Variants in SCYL1 observed in about 807,000 individuals in gnomAD.
SCYL1 encodes the protein N-terminal kinase-like protein.
A neutral mutation model predicts 94.8 loss-of-function variants in SCYL1; 85 were observed. The ratio of observed to expected loss-of-function variants is 0.90; its 90% CI spans 0.75 to 1.07. SCYL1 has a LOEUF of 1.07. SCYL1 is among the 50% of genes least tolerant of loss of function. The pLI, the probability that SCYL1 is intolerant of heterozygous loss-of-function variation, is 0.00. For missense variants in SCYL1, 968 were observed against 1,083.3 expected (o/e 0.89, Z 1.49); for synonymous variants, 459 against 435.5 (o/e 1.05, Z -0.67).
chr11:65,537,919 C>G, intron 15 of SCYL1, 39 bp downstream of exon 15: 1 of 1,582,654 alleles, frequency 6.3e-7, no homozygotes, highest in Non-Finnish European at 8.6e-7. Flanking sequence ...GTATGGGGCT[C>G]TTTCCTCCTT....
Position 65,538,497 on chromosome 11 carries a change from G to A in SCYL1, c.2358G>A (p.Met786Ile), listed in dbSNP as rs200704028. The A allele has an allele frequency of 8.5e-5, 137 of 1,603,548 alleles. No homozygotes were observed. Among genetic ancestry groups the A allele is most frequent in the Non-Finnish European group, 1.1e-4 (125 of 1,176,442 alleles). ...RKKREERRREMEAKRAERKVA... is the reference protein window; with the variant it reads ...RKKREERRREIEAKRAERKVA... ...AGCGCGAGGAGCGGCGGCGGGAGATGGAGGCCAAACGCGCCGAGAGGAAGG... is the reference window on the plus strand; with the variant it reads ...AGCGCGAGGAGCGGCGGCGGGAGATAGAGGCCAAACGCGCCGAGAGGAAGG... Residue 786 changes from methionine (M) to isoleucine (I), a missense_variant, in exon 18 of 18, where the codon ATG (methionine) becomes ATA (isoleucine). Physicochemically the swap from Met to Ile is conservative, Grantham distance 10 (BLOSUM62 1). Coordinates refer to ENST00000270176, the MANE Select transcript of SCYL1 (RefSeq NM_020680.4).
intron 9 of SCYL1, among the ~76,000 whole-genome samples, chr11:65,534,785 G>C (rs1251095663): frequency 2.0e-5 from 3 of 152,190 alleles, no homozygotes; most frequent in African/African-American, 4.8e-5. Context: ...GAACCAGGAG[G>C]GGGTGGTGTC....
Position 65,525,206 on chromosome 11 carries a change from C to A in SCYL1, c.53C>A (p.Pro18Gln). 6.9e-7 allele frequency: 1 copy of A among 1,459,446 alleles called. No homozygotes were observed. Among genetic ancestry groups the A allele is most frequent in the Non-Finnish European group, 9.1e-7 (1 of 1,102,166 alleles). The allele number at this position is 1,459,446 out of a possible 1,614,324, so 90.4% of individuals were successfully genotyped here. A position where few individuals can be genotyped will look rare whatever the true frequency, so the allele number is the denominator to read the frequency against. The change falls in exon 1 of 18, where the codon CCG (proline) becomes CAG (glutamine). Residue 18 changes from proline (P) to glutamine (Q), a missense_variant. Pro to Gln is a moderately conservative substitution (Grantham distance 76). Coordinates refer to ENST00000270176, the MANE Select transcript of SCYL1 (RefSeq NM_020680.4). The part of the protein sequence containing the change: ...PVRDFPFELI[P>Q]EPPEGGLPGP... ...CGGGACTTTCCGTTCGAGCTCATCC[C>A]GGAGCCCCCAGAGGGCGGCCTGCCC... is the stretch of plus-strand genomic sequence containing the variant.
intron 10 of SCYL1, 39 bp downstream of exon 10, chr11:65,535,421 C>T (rs776205179): frequency 2.6e-5 from 42 of 1,604,816 alleles, no homozygotes; most frequent in Admixed American, 5.0e-5. Flanking sequence ...CGGTCCCTGT[C>T]GCAGGACCAC....
chr11:65,535,552 A>G, intron 10 of SCYL1, 170 bp downstream of exon 10: 1 of 562,796 alleles, frequency 1.8e-6, no homozygotes, highest in African/African-American at 2.3e-5. Flanking sequence ...GGCCGAAGTC[A>G]CACAGTCAGG....
At position 65,538,527 on chromosome 11, in the gene SCYL1, C is replaced by T. The variant is rs370774721; in HGVS notation, c.2388C>T (p.Ala796=). 4.3e-6 allele frequency: 7 copies of T among 1,611,052 alleles called. No homozygotes were observed. Among genetic ancestry groups the T allele is most frequent in the African/African-American group, 1.3e-5 (1 of 75,030 alleles). ...MEAKRAERKV[A]KGPMKLGARK... ...CCAAACGCGCCGAGAGGAAGGTGGCCAAGGGCCCCATGAAGCTGGGAGCCC... is the reference window on the plus strand; with the variant it reads ...CCAAACGCGCCGAGAGGAAGGTGGCTAAGGGCCCCATGAAGCTGGGAGCCC... Residue 796 remains alanine, a synonymous_variant, in exon 18 of 18, where the codon GCC becomes GCT. Transcript: ENST00000270176.
Position 65,536,992 on chromosome 11 carries a change from C to T in SCYL1, c.1823C>T (p.Pro608Leu). 1 of 1,611,858 alleles carries T rather than the reference C, an allele frequency of 6.2e-7. No homozygotes were observed. Among genetic ancestry groups the T allele is most frequent in the Non-Finnish European group, 8.5e-7 (1 of 1,178,390 alleles). Residue 608 changes from proline to leucine, a missense_variant, in exon 14 of 18, where the codon CCT becomes CTT. Physicochemically the swap from Pro to Leu is moderately conservative, Grantham distance 98. Transcript: ENST00000270176. ...GTGAGCCTCTGCTCCCCAGGAGTTC[C>T]TGCCCCAGCCCCCACCCCTGTTCCT... Reference protein sequence around the residue: ...IPQRPTPEGVPAPAPTPVPAT... With the variant: ...IPQRPTPEGVLAPAPTPVPAT...
intron 1 of SCYL1, 132 bp downstream of exon 1, chr11:65,525,396 G>A: frequency 1.9e-6 from 2 of 1,033,206 alleles, no homozygotes; most frequent in Non-Finnish European, 2.7e-6. Context: ...GAGGGGGCGG[G>A]CAGTGCCTAC....
Position 65,525,178 on chromosome 11 carries a change from G to C in SCYL1, c.25G>C (p.Val9Leu). 1 of 1,440,278 alleles carries C rather than the reference G, an allele frequency of 6.9e-7. No individual in the cohort carries two copies. Among genetic ancestry groups the C allele is most frequent in the Non-Finnish European group, 9.2e-7 (1 of 1,090,416 alleles). The allele number at this position is 1,440,278 out of a possible 1,614,324, so 89.2% of individuals were successfully genotyped here. ...GATGTGGTTCTTTGCCCGGGACCCG[G>C]TCCGGGACTTTCCGTTCGAGCTCAT... is the stretch of plus-strand genomic sequence containing the variant. The part of the protein sequence containing the change: MWFFARDP[V>L]RDFPFELIPE... Residue 9 changes from valine (V) to leucine (L), a missense_variant, in exon 1 of 18, where the codon GTC (valine) becomes CTC (leucine). Physicochemically the swap from Val to Leu is conservative, Grantham distance 32. Coordinates refer to ENST00000270176, the MANE Select transcript of SCYL1 (RefSeq NM_020680.4).
Position 65,538,064 on chromosome 11 carries a change from G to A in SCYL1, c.2129G>A (p.Ser710Asn). ...TGGGAACAGGGCTGGCAGGAGCCAAGCTCCCAGGAGCCACCTCCTGACGGT... is the reference window on the plus strand; with the variant it reads ...TGGGAACAGGGCTGGCAGGAGCCAAACTCCCAGGAGCCACCTCCTGACGGT... ...GSWEQGWQEP[S>N]SQEPPPDGTR... The change falls in exon 16 of 18, where the codon AGC (serine) becomes AAC (asparagine). Residue 710 changes from serine to asparagine, a missense_variant. Transcript: ENST00000270176. The A allele has an allele frequency of 6.2e-7, 1 of 1,608,656 alleles. No homozygotes were observed. The highest frequency in any genetic ancestry group is 8.5e-7 in the Non-Finnish European group (1 of 1,178,068).
intron 9 of SCYL1, chr11:65,533,169 C>T (rs1229490075): frequency 8.5e-6 from 2 of 234,950 alleles, no homozygotes; most frequent in Non-Finnish European, 8.7e-6. Context: ...CGCCCATAAT[C>T]CCTGCACTTT....
rs1162663444 is a variant in SCYL1 at position 65,536,092 on chromosome 11, C to T, written c.1526C>T (p.Pro509Leu). Residue 509 changes from proline (P) to leucine (L), a missense_variant, in exon 11 of 18, where the codon CCT becomes CTT. Coordinates refer to ENST00000270176, the MANE Select transcript of SCYL1 (RefSeq NM_020680.4). ...AACGACTGTGCCCAGAAGATCCTGC[C>T]TGTGCTCTGCGGTCTCACTGTAGAT... ...SMNDCAQKIL[P>L]VLCGLTVDPE... 3 of 1,614,222 alleles carry T rather than the reference C, an allele frequency of 1.9e-6. No homozygotes were observed. The highest frequency in any genetic ancestry group is 1.7e-6 in the Non-Finnish European group (2 of 1,180,006).
At position 65,536,019 on chromosome 11, in the gene SCYL1, G is replaced by C. The variant is rs371321661; in HGVS notation, c.1453G>C (p.Val485Leu). The C allele has an allele frequency of 5.6e-5, 90 of 1,613,948 alleles. No homozygotes were observed. The highest frequency in any genetic ancestry group is 7.2e-5 in the Non-Finnish European group (85 of 1,179,966). Residue 485 changes from valine (V) to leucine (L), a missense_variant, in exon 11 of 18, where the codon GTT becomes CTT. By Grantham distance (32) the Val-to-Leu change is conservative. This residue lies in a region of SCYL1 where 474 missense variants were observed against 463.6 expected (regional missense o/e 1.02). Transcript: ENST00000270176. ...ATRDPFAPSR[V>L]AGVLGFAATH... is the part of the protein sequence containing the mutation. ...TAGGGACCCGTTTGCACCGTCCCGG[G>C]TTGCGGGTGTCCTGGGCTTTGCTGC...
At position 65,538,423 on chromosome 11, in the gene SCYL1, C is replaced by T. The variant is rs1381831289; in HGVS notation, c.2303-19C>T. Reference sequence around the variant, plus strand: ...ACTGGCTGGAGAGCTGAGACCGGGGCTCCCCTTCCTGACGCCAGGACAGGT... The same window carrying T: ...ACTGGCTGGAGAGCTGAGACCGGGGTTCCCCTTCCTGACGCCAGGACAGGT... On this transcript the variant is annotated intron_variant, in intron 17 of 17. Transcript: ENST00000270176. 6.5e-7 allele frequency: 1 copy of T among 1,544,276 alleles called. No homozygotes were observed.
intron 9 of SCYL1, among the ~76,000 whole-genome samples, chr11:65,533,562 T>C (rs1855496109): frequency 6.6e-6 from 1 of 152,204 alleles, no homozygotes; most frequent in African/African-American, 2.4e-5. Context: ...GAGGATCGCT[T>C]GAGCCCAGGA....
At chr11:65,532,663 A>G (rs1395120092) in intron 8 of SCYL1, 29 bp from the exon 9 acceptor site, 2 of 1,555,780 alleles carry the variant, frequency 1.3e-6, no homozygotes, top group Non-Finnish European at 1.8e-6. Flanking sequence ...AGGGCTGACC[A>G]TGTTGACGCA....
Position 65,525,255 on chromosome 11 carries a change from C to A in SCYL1, c.102C>A (p.Gly34=). Residue 34 remains glycine (G), a synonymous_variant, in exon 1 of 18, where the codon GGC becomes GGA. Transcript: ENST00000270176. ...GLPGPWALHR[G]RKKATGSPVS... The stretch of plus-strand genomic sequence containing the variant: ...CCGGGCCCTGGGCCCTGCACCGCGG[C>A]CGCAAGAAGGTGAGTGCGGCCGAGC... 6.9e-7 allele frequency: 1 copy of A among 1,443,860 alleles called. No individual in the cohort carries two copies. The highest frequency in any genetic ancestry group is 9.1e-7 in the Non-Finnish European group (1 of 1,095,934). 89.4% of individuals were successfully genotyped at this position (1,443,860 alleles called of 1,614,324 possible). A position where few individuals can be genotyped will look rare whatever the true frequency, so the allele number is the denominator to read the frequency against.
rs1855649688 is a variant in SCYL1, at chr11:65,536,497, G to A, written c.1652-89G>A. ...AATCAGGCCTGGAGAAAGGAGGGGT[G>A]GCTGCAGGGCACTGTCAGTTCCTGC... On this transcript the variant is annotated intron_variant, in intron 12 of 17. Transcript: ENST00000270176. 2.2e-5 allele frequency: 32 copies of A among 1,483,362 alleles called. 1 individual carries two copies. In the South Asian group the frequency reaches 3.7e-4, roughly 17 times the overall value. The allele number at this position is 1,483,362 out of a possible 1,614,324, so 91.9% of individuals were successfully genotyped here. A position where few individuals can be genotyped will look rare whatever the true frequency, so the allele number is the denominator to read the frequency against.
Position 65,538,645 on chromosome 11 carries a change from CG to C in SCYL1, c.*81del. On this transcript the variant is annotated 3_prime_UTR_variant, in exon 18 of 18. Transcript: ENST00000270176. Reference sequence around the variant, plus strand: ...ATTGTACAAACCATGTGAGCCCGGCCGGCCCAGCCAGGCCATCTCACGTGTA... The same window carrying C: ...ATTGTACAAACCATGTGAGCCCGGCCGCCCAGCCAGGCCATCTCACGTGTA... 6.7e-7 allele frequency: 1 copy of C among 1,488,078 alleles called. No individual in the cohort carries two copies. The highest frequency in any genetic ancestry group is 2.0e-5 in the Admixed American group (1 of 48,896). 92.2% of individuals were successfully genotyped at this position (1,488,078 alleles called of 1,614,324 possible).
Sources: allele counts gnomAD v4.1 joint callset (sites outside exome capture counted in the v4.1 genomes callset), GRCh38; gene constraint gnomAD v4.1.1; regional missense constraint gnomAD v4.1.1; transcripts MANE v1.5; gene names NCBI Gene and HGNC (gene_info 2026-07-23, HGNC 2026-07-21).